Variants in KCNG2 observed in about 807,000 individuals in gnomAD.
KCNG2 encodes the protein voltage-gated potassium channel regulatory subunit KCNG2.
Under a neutral mutation model 12.3 loss-of-function variants are expected in KCNG2, and 7 were observed. The ratio of observed to expected loss-of-function variants is 0.57; its 90% CI spans 0.32 to 1.07. The LOEUF (loss-of-function observed/expected upper bound fraction) is 1.07, where lower values mean the gene tolerates loss of function less well. KCNG2 is among the 50% of genes least tolerant of loss of function. The pLI, the probability that KCNG2 is intolerant of heterozygous loss-of-function variation, is 0.04. For synonymous variants in KCNG2, 414 were observed against 351.4 expected (o/e 1.18, Z -1.99); for missense variants, 703 against 726.0 (o/e 0.97, Z 0.36).
At chr18:79,849,073 G>A (rs1222052247) in intron 1 of KCNG2, among the ~76,000 whole-genome samples, 1 of 152,046 alleles carries the variant, frequency 6.6e-6, no homozygotes, top group Non-Finnish European at 1.5e-5. Flanking sequence ...TCCCTCCCAC[G>A]CAGGCCACTC....
Position 79,822,410 on chromosome 18 carries a change from G to A in KCNG2, c.-115+24396G>A, listed in dbSNP as rs773905412. On this transcript the variant is annotated intron_variant, in intron 1 of 3. Coordinates refer to ENST00000316249, the MANE Select transcript of KCNG2 (RefSeq NM_012283.2). The surrounding 1 kb of genome is among the most constrained non-coding windows in gnomAD (Gnocchi z 4.4). ...GTAATAGCTCTCCAGTTTGTTTTTC[G>A]TTTTTGTTTTTCACAATATTGATAC... Among the ~76,000 whole-genome samples the A allele has an allele frequency of 9.2e-5, 14 of 152,092 alleles. No individual in the cohort carries two copies. Among genetic ancestry groups the A allele is most frequent in the Non-Finnish European group, 1.9e-4 (13 of 68,020 alleles).
chr18:79,884,741 C>CTG lies in KCNG2; in HGVS notation c.625-14299_625-14298insTG, dbSNP rs1980455615. Among the ~76,000 whole-genome samples the CTG allele has an allele frequency of 2.6e-5, 4 of 152,196 alleles. No individual in the cohort carries two copies. Among genetic ancestry groups the CTG allele is most frequent in the Admixed American group, 2.6e-4 (4 of 15,284 alleles). ...GATGGGGAGCCACGGGGGCAGGGGT[C>CTG]CGCCCGGCTCTGTGTTCCTCGGGGG... On this transcript the variant is annotated intron_variant, in intron 3 of 3. Transcript: ENST00000316249. The surrounding 1 kb of genome is among the most constrained non-coding windows in gnomAD (Gnocchi z 5.5).
At chr18:79,850,928 C>T (rs1214017339) in intron 1 of KCNG2, among the ~76,000 whole-genome samples, 2 of 152,272 alleles carry the variant, frequency 1.3e-5, no homozygotes, top group African/African-American at 2.4e-5. Flanking sequence ...ACGGGGCCTG[C>T]GGTTCCAGCT....
intron 1 of KCNG2, among the ~76,000 whole-genome samples, chr18:79,828,692 T>C (rs147714884): frequency 1.3e-5 from 2 of 150,616 alleles, no homozygotes; most frequent in Non-Finnish European, 3.0e-5. Context: ...CGTGTGTCCG[T>C]CTACAGGAAT....
chr18:79,834,518 TTTGAGAGA>T (rs1284298173), intron 1 of KCNG2, among the ~76,000 whole-genome samples: 2 of 151,754 alleles, frequency 1.3e-5, no homozygotes, highest in African/African-American at 4.8e-5. Context: ...AAAAAGACAG[TTTGAGAGA>T]GAAAGTGGGA....
intron 3 of KCNG2, among the ~76,000 whole-genome samples, chr18:79,898,324 T>C (rs1377368375): frequency 6.6e-6 from 1 of 152,212 alleles, no homozygotes; most frequent in African/African-American, 2.4e-5. Flanking sequence ...GATAGCACCC[T>C]GAGACCCCAT....
At chr18:79,824,164 G>A (rs1036434797) in intron 1 of KCNG2, among the ~76,000 whole-genome samples, 2 of 152,260 alleles carry the variant, frequency 1.3e-5, no homozygotes, top group Admixed American at 6.5e-5. Flanking sequence ...CCACATGTGG[G>A]TAACTTGTAT....
At chr18:79,852,098 T>C (rs114703748) in intron 1 of KCNG2, among the ~76,000 whole-genome samples, 82 of 152,268 alleles carry the variant, frequency 5.4e-4, no homozygotes, top group Non-Finnish European at 9.7e-4. Flanking sequence ...GAGGCTCTGC[T>C]CGTTAGACAT....
chr18:79,864,000 C>T lies in KCNG2; in HGVS notation c.333C>T (p.Asp111=), dbSNP rs762701697. ...ACGAGCTGGCCTACTGGGGCATCGACGAGGCGCGCCTGGAGCGCTGCTGCC... is the reference window on the plus strand; with the variant it reads ...ACGAGCTGGCCTACTGGGGCATCGATGAGGCGCGCCTGGAGCGCTGCTGCC... ...FRDELAYWGI[D]EARLERCCLR... The change falls in exon 3 of 4, where the codon GAC becomes GAT. Residue 111 remains aspartate, a synonymous_variant. Coordinates refer to ENST00000316249, the MANE Select transcript of KCNG2 (RefSeq NM_012283.2). 8.4e-7 allele frequency: 1 copy of T among 1,197,262 alleles called. No individual in the cohort carries two copies. Among genetic ancestry groups the T allele is most frequent in the East Asian group, 3.7e-5 (1 of 26,878 alleles). 74.2% of individuals were successfully genotyped at this position (1,197,262 alleles called of 1,614,324 possible). A position where few individuals can be genotyped will look rare whatever the true frequency, so the allele number is the denominator to read the frequency against.
intron 1 of KCNG2, among the ~76,000 whole-genome samples, chr18:79,826,902 AATTG>A (rs1189261960): frequency 5.3e-5 from 8 of 152,268 alleles, no homozygotes; most frequent in African/African-American, 9.6e-5. Context: ...TGTTTGATAA[AATTG>A]ATTGAAAAAG....
intron 2 of KCNG2, among the ~76,000 whole-genome samples, chr18:79,862,881 A>T (rs1447716224): frequency 6.6e-6 from 1 of 152,210 alleles, no homozygotes; most frequent in Non-Finnish European, 1.5e-5. Flanking sequence ...CTAGTCAAAG[A>T]GTCCTGTAGC....
At chr18:79,877,683 A>G (rs573445325) in intron 3 of KCNG2, among the ~76,000 whole-genome samples, 1 of 152,122 alleles carries the variant, frequency 6.6e-6, no homozygotes, top group East Asian at 1.9e-4. Flanking sequence ...GAGCACCCAC[A>G]CTTGGCATCT....
chr18:79,894,187 GGTCT>G (rs1258420882), intron 3 of KCNG2, among the ~76,000 whole-genome samples: 1 of 152,012 alleles, frequency 6.6e-6, no homozygotes, highest in African/African-American at 2.4e-5. Flanking sequence ...GATATAGTTG[GGTCT>G]GTGTCTGCTT....
chr18:79,870,469 C>T (rs1198692155), intron 3 of KCNG2, among the ~76,000 whole-genome samples: 3 of 152,020 alleles, frequency 2.0e-5, no homozygotes, highest in Non-Finnish European at 4.4e-5. Context: ...TGGCAGTTTC[C>T]GTGCCCCCAG....
intron 2 of KCNG2, among the ~76,000 whole-genome samples, chr18:79,861,404 G>A (rs866866326): frequency 2.7e-4 from 41 of 150,994 alleles, no homozygotes; most frequent in African/African-American, 9.5e-4. Flanking sequence ...TCAGCCTCCC[G>A]AGTAGCTGGG....
rs979482690 is a variant in KCNG2, at chr18:79,800,419, C to G, written c.-115+2405C>G. ...GAGGTCGCTCAGACACAAACGGGTGCTGCCATCAGGTAGCCCAGCCGGTAG... is the reference window on the plus strand; with the variant it reads ...GAGGTCGCTCAGACACAAACGGGTGGTGCCATCAGGTAGCCCAGCCGGTAG... On this transcript the variant is annotated intron_variant, in intron 1 of 3. Coordinates refer to ENST00000316249, the MANE Select transcript of KCNG2 (RefSeq NM_012283.2). The surrounding 1 kb of genome is among the most constrained non-coding windows in gnomAD (Gnocchi z 4.0). 2.0e-5 allele frequency among the ~76,000 whole-genome samples: 3 copies of G among 152,176 alleles called. No individual in the cohort carries two copies. Among genetic ancestry groups the G allele is most frequent in the Non-Finnish European group, 4.4e-5 (3 of 68,034 alleles).
intron 1 of KCNG2, among the ~76,000 whole-genome samples, chr18:79,844,147 G>T (rs181640563): frequency 1.3e-5 from 2 of 152,232 alleles, no homozygotes; most frequent in East Asian, 3.9e-4. Flanking sequence ...CAATAGCCAA[G>T]ATATGAAATC....
rs34251835 is a variant in KCNG2, at chr18:79,821,286, A to ATTT, written c.-115+23292_-115+23294dup. On this transcript the variant is annotated intron_variant, in intron 1 of 3. Coordinates refer to ENST00000316249, the MANE Select transcript of KCNG2 (RefSeq NM_012283.2). ...TGGCCGTCAACCCATTTTTACTTGAATTTTTTTTTTTTTTTTTTTTTTGAC... is the reference window on the plus strand; with the variant it reads ...TGGCCGTCAACCCATTTTTACTTGAATTTTTTTTTTTTTTTTTTTTTTTTTGAC... Among the ~76,000 whole-genome samples, 37 of 101,818 alleles carry ATTT rather than the reference A, an allele frequency of 3.6e-4. 1 individual carries two copies. The highest frequency in any genetic ancestry group is 1.4e-3 in the African/African-American group (36 of 26,474). The allele number at this position is 101,818 out of a possible 152,430, so 66.8% of individuals were successfully genotyped here. A position where few individuals can be genotyped will look rare whatever the true frequency, so the allele number is the denominator to read the frequency against.
chr18:79,887,166 A>G lies in KCNG2; in HGVS notation c.625-11874A>G, dbSNP rs1041856643. Among the ~76,000 whole-genome samples the G allele has an allele frequency of 2.8e-5, 4 of 141,674 alleles. No homozygotes were observed. The East Asian group carries it at 7.9e-4, about 28-fold the overall frequency. 92.9% of individuals were successfully genotyped at this position (141,674 alleles called of 152,430 possible). On this transcript the variant is annotated intron_variant, in intron 3 of 3. Transcript: ENST00000316249. ...GACAGGGACACGGGGACAGAGGGACAAGGACACAGGGAGGGACACAGGACA... is the reference window on the plus strand; with the variant it reads ...GACAGGGACACGGGGACAGAGGGACGAGGACACAGGGAGGGACACAGGACA...
Sources: gnomAD v4.1 joint callset for allele counts (sites outside exome capture counted in the v4.1 genomes callset) on GRCh38, gnomAD v4.1.1 for gene constraint, Gnocchi (gnomAD v3.1) non-coding constraint, MANE v1.5 for transcripts, NCBI Gene and HGNC (gene_info 2026-07-23, HGNC 2026-07-21) for gene names.